The following ITPR2 variants were observed in gnomAD, a reference collection of about 807,000 sequenced individuals.
ITPR2 encodes the protein inositol 1,4,5-trisphosphate receptor type 2.
Under a neutral mutation model 317.1 loss-of-function variants are expected in ITPR2, and 207 were observed. The observed-to-expected ratio is 0.65, with a 90% CI of 0.58 to 0.73. The LOEUF (loss-of-function observed/expected upper bound fraction) is 0.73, where lower values mean the gene tolerates loss of function less well. ITPR2 is among the 30% of genes least tolerant of loss of function. ITPR2 has a pLI of 0.00. For synonymous variants in ITPR2, 1,156 were observed against 1,149.1 expected (o/e 1.01, Z -0.12); for missense variants, 2,613 against 3,284.0 (o/e 0.80, Z 4.99).
chr12:26,578,901 G>A, intron 33 of ITPR2, 68 bp from the exon 34 acceptor site: 1 of 1,448,350 alleles, frequency 6.9e-7, no homozygotes, highest in Non-Finnish European at 9.4e-7. Flanking sequence ...TAGCATCTAT[G>A]CATTCTCAGA....
chr12:26,545,479 A>G (rs559703678), intron 37 of ITPR2, among the ~76,000 whole-genome samples: 61 of 152,298 alleles, frequency 4.0e-4, no homozygotes, highest in African/African-American at 1.4e-3. Flanking sequence ...TGGCCTCCAG[A>G]ATCCAGAAAA....
intron 45 of ITPR2, among the ~76,000 whole-genome samples, chr12:26,459,223 C>T (rs887039454): frequency 6.6e-6 from 1 of 152,194 alleles, no homozygotes; most frequent in Non-Finnish European, 1.5e-5. Context: ...ACAAATAACA[C>T]ACTTGCTCAG....
chr12:26,734,604 C>A (rs1400792431), intron 2 of ITPR2, among the ~76,000 whole-genome samples: 1 of 150,912 alleles, frequency 6.6e-6, no homozygotes, highest in African/African-American at 2.4e-5. Context: ...TTGAGCATGA[C>A]TGTAACAACT....
At chr12:26,680,466 AT>A (rs1390596376) in intron 13 of ITPR2, among the ~76,000 whole-genome samples, 2 of 152,088 alleles carry the variant, frequency 1.3e-5, no homozygotes, top group African/African-American at 2.4e-5. Context: ...TGTTTTTTAA[AT>A]TTTTTTAACT....
chr12:26,351,271 T>C (rs1182548531), intron 55 of ITPR2, among the ~76,000 whole-genome samples: 1 of 152,208 alleles, frequency 6.6e-6, no homozygotes, highest in Non-Finnish European at 1.5e-5. Context: ...AGCTGATTCC[T>C]AGATGCTGTA....
chr12:26,511,146 T>G (rs1366732769), intron 37 of ITPR2, among the ~76,000 whole-genome samples: 1 of 152,238 alleles, frequency 6.6e-6, no homozygotes, highest in Non-Finnish European at 1.5e-5. Context: ...TTGCTTCTTC[T>G]GGGTGTCTAA....
intron 2 of ITPR2, among the ~76,000 whole-genome samples, chr12:26,757,694 T>C (rs1271024253): frequency 6.6e-6 from 1 of 152,218 alleles, no homozygotes; most frequent in Non-Finnish European, 1.5e-5. Context: ...CATGTCCCCA[T>C]TGTAATTCAA....
At chr12:26,816,092 C>CAA (rs11409442) in intron 1 of ITPR2, among the ~76,000 whole-genome samples, 454 of 58,426 alleles carry the variant, frequency 7.8e-3, no homozygotes, top group Middle Eastern at 0.026. Context: ...GACTCCGTCT[C>CAA]AAAAAAAAAA....
chr12:26,521,095 A>G (rs1401530112), intron 37 of ITPR2, among the ~76,000 whole-genome samples: 1 of 152,162 alleles, frequency 6.6e-6, no homozygotes, highest in Non-Finnish European at 1.5e-5. Context: ...TAAATACTCA[A>G]ATAGAAACTC....
intron 45 of ITPR2, among the ~76,000 whole-genome samples, chr12:26,474,153 A>G (rs1412713241): frequency 6.6e-6 from 1 of 152,246 alleles, no homozygotes; most frequent in East Asian, 1.9e-4. Context: ...CTAAAGAGCA[A>G]CCTTAAAAAT....
intron 1 of ITPR2, among the ~76,000 whole-genome samples, chr12:26,809,334 C>A (rs1950692363): frequency 6.6e-6 from 1 of 152,170 alleles, no homozygotes; most frequent in Admixed American, 6.5e-5. Flanking sequence ...AAAGTAGATT[C>A]CTTTTCAATG....
At chr12:26,407,128 C>T (rs1423712006) in intron 52 of ITPR2, among the ~76,000 whole-genome samples, 1 of 152,090 alleles carries the variant, frequency 6.6e-6, no homozygotes, top group Admixed American at 6.6e-5. Context: ...TCTGCTGCAG[C>T]CTAAAAGATG....
chr12:26,616,955 AG>A (rs1345892276), intron 26 of ITPR2, among the ~76,000 whole-genome samples: 1 of 152,200 alleles, frequency 6.6e-6, no homozygotes, highest in African/African-American at 2.4e-5. Context: ...TCTTTTCTCT[AG>A]CTTATTTTAT....
At chr12:26,676,355 T>TA (rs1947907134) in intron 13 of ITPR2, among the ~76,000 whole-genome samples, 1 of 151,096 alleles carries the variant, frequency 6.6e-6, no homozygotes. Flanking sequence ...CAGGTGCCTA[T>TA]AATCCCAACT....
At chr12:26,725,203 G>A (rs1020488050) in intron 3 of ITPR2, among the ~76,000 whole-genome samples, 13 of 152,168 alleles carry the variant, frequency 8.5e-5, no homozygotes, top group Admixed American at 2.6e-4. Context: ...AAAAATAAAA[G>A]TTCTTAATTC....
At chr12:26,673,224 G>A (rs1446569465) in intron 13 of ITPR2, among the ~76,000 whole-genome samples, 1 of 152,008 alleles carries the variant, frequency 6.6e-6, no homozygotes, top group Non-Finnish European at 1.5e-5. Context: ...TACCAAAGCT[G>A]GGCAGAGACA....
intron 24 of ITPR2, among the ~76,000 whole-genome samples, chr12:26,622,756 C>T (rs1395430074): frequency 6.6e-6 from 1 of 152,146 alleles, no homozygotes; most frequent in African/African-American, 2.4e-5. Flanking sequence ...TGGATGTACA[C>T]CGATGACTGA....
chr12:26,605,218 A>C (rs1946105260), intron 26 of ITPR2, among the ~76,000 whole-genome samples: 3 of 151,700 alleles, frequency 2.0e-5, no homozygotes, highest in Non-Finnish European at 4.4e-5. Flanking sequence ...AAGATGAATG[A>C]AAACTATTTA....
chr12:26,779,558 C>T (rs950270594), intron 2 of ITPR2, among the ~76,000 whole-genome samples: 8 of 152,124 alleles, frequency 5.3e-5, no homozygotes, highest in Admixed American at 1.3e-4. Flanking sequence ...CAGCCTGCAT[C>T]GATGGCCTCA....
Sources: gnomAD v4.1 joint callset for allele counts (sites outside exome capture counted in the v4.1 genomes callset) on GRCh38, gnomAD v4.1.1 for gene constraint, MANE v1.5 for transcripts, NCBI Gene and HGNC (gene_info 2026-07-23, HGNC 2026-07-21) for gene names.